Variants in TMEM131L observed in about 807,000 individuals in gnomAD.
TMEM131L encodes transmembrane protein 131-like.
TMEM131L carries 54 observed loss-of-function variants against 192.2 expected under a neutral mutation model. The observed-to-expected ratio is 0.28, with a 90% CI of 0.23 to 0.35. The LOEUF (loss-of-function observed/expected upper bound fraction) is 0.35. Ranked by LOEUF, TMEM131L falls within the 10% of genes least tolerant of loss-of-function variation. The pLI, the probability that TMEM131L is intolerant of heterozygous loss-of-function variation, is 1.00. For synonymous variants in TMEM131L, 701 were observed against 704.9 expected (o/e 0.99, Z 0.09); for missense variants, 1,888 against 1,972.9 (o/e 0.96, Z 0.82).
chr4:153,609,200 C>T (rs1223767802), intron 25 of TMEM131L, among the ~76,000 whole-genome samples: 2 of 152,142 alleles, frequency 1.3e-5, no homozygotes, highest in African/African-American at 4.8e-5. Flanking sequence ...CAGGCTTCTG[C>T]TTCTGGGGAG....
At chr4:153,550,032 T>C in intron 3 of TMEM131L, 41 bp from the exon 4 acceptor site, 1 of 1,066,414 alleles carries the variant, frequency 9.4e-7, no homozygotes, top group Non-Finnish European at 1.3e-6. Context: ...CATTTAAATG[T>C]TAAAACTACA....
intron 4 of TMEM131L, among the ~76,000 whole-genome samples, chr4:153,554,851 G>A (rs142778940): frequency 2.7e-3 from 407 of 152,364 alleles, no homozygotes; most frequent in African/African-American, 9.5e-3. Flanking sequence ...AGGGAGCATT[G>A]TAGGTGGCTC....
At chr4:153,497,878 C>CAAAAAAAAAAAA (rs200874155) in intron 3 of TMEM131L, among the ~76,000 whole-genome samples, 1 of 70,344 alleles carries the variant, frequency 1.4e-5, no homozygotes, top group African/African-American at 5.0e-5. Context: ...GAAAAATTTC[C>CAAAAAAAAAAAA]AAAAAAAAAA....
intron 7 of TMEM131L, among the ~76,000 whole-genome samples, chr4:153,576,823 T>A (rs1471001960): frequency 1.3e-5 from 2 of 152,226 alleles, no homozygotes; most frequent in African/African-American, 2.4e-5. Flanking sequence ...TACTATTTTC[T>A]GTTTCTTGCC....
At chr4:153,597,657 G>A (rs994382705) in intron 20 of TMEM131L, among the ~76,000 whole-genome samples, 9 of 152,330 alleles carry the variant, frequency 5.9e-5, no homozygotes, top group Admixed American at 5.9e-4. Flanking sequence ...TCCAGGCCAG[G>A]TGTAGTGGCT....
At chr4:153,519,269 T>C (rs551658123) in intron 3 of TMEM131L, among the ~76,000 whole-genome samples, 15 of 152,282 alleles carry the variant, frequency 9.9e-5, no homozygotes, top group African/African-American at 3.6e-4. Context: ...TGTGTAAATA[T>C]TATCTTTCTG....
At position 153,602,379 on chromosome 4, in the gene TMEM131L, G is replaced by A. The variant is rs369223233; in HGVS notation, c.2453+41G>A. On this transcript the variant is annotated intron_variant, in intron 22 of 34. Transcript: ENST00000409959. ...TAACTTGATTTCAGTTTTGTGGTGC[G>A]TTTAACAATGTGAGGAGGAAAACTT... is the stretch of plus-strand genomic sequence containing the variant. 12 of 1,586,762 alleles carry A rather than the reference G, an allele frequency of 7.6e-6. No individual in the cohort carries two copies. In the Admixed American group the frequency reaches 1.1e-4, roughly 15 times the overall value.
intron 9 of TMEM131L, 75 bp from the exon 10 acceptor site, chr4:153,583,115 G>A: frequency 1.3e-6 from 1 of 767,760 alleles, no homozygotes; most frequent in Non-Finnish European, 2.4e-6. Flanking sequence ...ATTATATGAA[G>A]GTGTGAGAAT....
chr4:153,531,435 A>G (rs901057614), intron 3 of TMEM131L, among the ~76,000 whole-genome samples: 1 of 152,196 alleles, frequency 6.6e-6, no homozygotes, highest in Non-Finnish European at 1.5e-5. Context: ...CTTGGATATA[A>G]AGGGATTAAT....
chr4:153,624,673 A>G (rs1398113739), intron 29 of TMEM131L, among the ~76,000 whole-genome samples: 2 of 152,126 alleles, frequency 1.3e-5, no homozygotes, highest in African/African-American at 4.8e-5. Context: ...AGGATGCCCG[A>G]ATCCTTTGAC....
intron 7 of TMEM131L, among the ~76,000 whole-genome samples, chr4:153,576,984 G>C (rs1043659608): frequency 6.6e-6 from 1 of 152,146 alleles, no homozygotes; most frequent in Non-Finnish European, 1.5e-5. Context: ...ATCTCCTGGC[G>C]TAGGTAGACC....
intron 3 of TMEM131L, among the ~76,000 whole-genome samples, chr4:153,501,544 C>G (rs1179685187): frequency 5.9e-5 from 9 of 152,138 alleles, no homozygotes; most frequent in Non-Finnish European, 8.8e-5. Flanking sequence ...AAAGCCTCTA[C>G]TGTATTTTCT....
At chr4:153,492,593 T>G (rs1676143186) in intron 3 of TMEM131L, among the ~76,000 whole-genome samples, 1 of 152,196 alleles carries the variant, frequency 6.6e-6, no homozygotes, top group South Asian at 2.1e-4. Flanking sequence ...AATATGAAAC[T>G]GGCATGGCAT....
intron 3 of TMEM131L, among the ~76,000 whole-genome samples, chr4:153,499,016 T>C (rs1014432397): frequency 6.6e-6 from 1 of 152,194 alleles, no homozygotes; most frequent in Non-Finnish European, 1.5e-5. Flanking sequence ...TTAACGTTTG[T>C]TTTTGTTGTC....
At chr4:153,550,493 A>T (rs1200681517) in intron 4 of TMEM131L, among the ~76,000 whole-genome samples, 2 of 151,790 alleles carry the variant, frequency 1.3e-5, no homozygotes, top group East Asian at 3.9e-4. Context: ...CGCCCGGCTA[A>T]TTTTTTGTGT....
At chr4:153,546,756 C>T (rs923966056) in intron 3 of TMEM131L, among the ~76,000 whole-genome samples, 1 of 152,162 alleles carries the variant, frequency 6.6e-6, no homozygotes, top group African/African-American at 2.4e-5. Context: ...GGAGAAACCC[C>T]ATCTCTGTTA....
At chr4:153,605,129 C>T (rs961567947) in intron 25 of TMEM131L, among the ~76,000 whole-genome samples, 14 of 152,178 alleles carry the variant, frequency 9.2e-5, no homozygotes, top group Admixed American at 1.3e-4. Context: ...GGTTGCCTGG[C>T]CCTGGTTCTT....
intron 25 of TMEM131L, among the ~76,000 whole-genome samples, chr4:153,605,145 A>G (rs943018503): frequency 1.4e-4 from 21 of 152,172 alleles, no homozygotes; most frequent in African/African-American, 5.1e-4. Context: ...TTCTTCTCTA[A>G]TTGTATTCCT....
chr4:153,537,670 A>G (rs961277999), intron 3 of TMEM131L, among the ~76,000 whole-genome samples: 1 of 152,128 alleles, frequency 6.6e-6, no homozygotes, highest in African/African-American at 2.4e-5. Context: ...CTTTACTGCA[A>G]CCTGTTTCAT....
Sources: gnomAD v4.1 joint callset for allele counts (sites outside exome capture counted in the v4.1 genomes callset) on GRCh38, gnomAD v4.1.1 for gene constraint, MANE v1.5 for transcripts, NCBI Gene and HGNC (gene_info 2026-07-23, HGNC 2026-07-21) for gene names.